Variants in NLGN4X observed in about 807,000 individuals in gnomAD.
NLGN4X encodes the protein neuroligin 4 X-linked, also known as neuroligin-4, X-linked.
A neutral mutation model predicts 40.3 loss-of-function variants in NLGN4X; 3 were observed. The ratio of observed to expected loss-of-function variants is 0.07; its 90% CI spans 0.03 to 0.19. NLGN4X has a LOEUF of 0.19. NLGN4X is among the 10% of genes least tolerant of loss of function. The pLI, the probability that NLGN4X is intolerant of heterozygous loss-of-function variation, is 1.00. For missense variants in NLGN4X, 382 were observed against 708.3 expected (o/e 0.54, Z 5.23); for synonymous variants, 270 against 306.8 (o/e 0.88, Z 1.25).
In NLGN4X at chrX:5,909,199, A is replaced by G; in HGVS notation, c.666T>C (p.Tyr222=). 4.1e-6 allele frequency: 5 copies of G among 1,211,997 alleles called. No homozygotes were observed. Among genetic ancestry groups the G allele is most frequent in the Non-Finnish European group, 5.6e-6 (5 of 895,597 alleles). Residue 222 remains tyrosine (Y), a synonymous_variant, in exon 4 of 6, where the codon TAT becomes TAC. Coordinates refer to ENST00000381095, the MANE Select transcript of NLGN4X (RefSeq NM_181332.3). The stretch of plus-strand genomic sequence containing the variant: ...GTGCTTGAATCTGATCCAGGAGCCC[A>G]TAGTTGCCTTTTGCTGCCTGGTCAC... The part of the protein sequence containing the change: ...STGDQAAKGN[Y]GLLDQIQALR...
intron 5 of NLGN4X, among the ~76,000 whole-genome samples, chrX:5,900,070 C>A (rs759154031): frequency 8.9e-6 from 1 of 112,355 alleles, no homozygotes; most frequent in Non-Finnish European, 1.9e-5. Flanking sequence ...CAAGGGCAGA[C>A]ACCGCCTATC....
At chrX:6,006,029 A>G (rs1237408335) in intron 3 of NLGN4X, among the ~76,000 whole-genome samples, 1 of 111,635 alleles carries the variant, frequency 9.0e-6, no homozygotes, top group African/African-American at 3.3e-5. Context: ...TATCCACATT[A>G]AAGGAAATTT....
At chrX:6,119,014 C>T (rs1388918318) in intron 2 of NLGN4X, among the ~76,000 whole-genome samples, 3 of 112,096 alleles carry the variant, frequency 2.7e-5, no homozygotes, top group African/African-American at 9.7e-5. Context: ...TGTGTGGGTC[C>T]ATTCCTATTA....
intron 2 of NLGN4X, among the ~76,000 whole-genome samples, chrX:6,034,772 G>A (rs965832067): frequency 2.8e-5 from 3 of 108,056 alleles, no homozygotes; most frequent in African/African-American, 1.0e-4. Flanking sequence ...GCAGTGGTAC[G>A]ATCTCGGCTC....
chrX:5,913,604 G>A (rs1269192520), intron 3 of NLGN4X, among the ~76,000 whole-genome samples: 4 of 112,065 alleles, frequency 3.6e-5, no homozygotes, highest in Non-Finnish European at 5.6e-5. Context: ...ATTGAACAAC[G>A]AAAGAAAGAT....
chrX:6,198,051 G>A (rs1923277610), intron 1 of NLGN4X, among the ~76,000 whole-genome samples: 1 of 103,471 alleles, frequency 9.7e-6, no homozygotes, highest in Admixed American at 1.0e-4. Context: ...GTGACAGAGT[G>A]AAGCCCTGTC....
intron 1 of NLGN4X, among the ~76,000 whole-genome samples, chrX:6,174,357 A>C (rs752461570): frequency 8.9e-6 from 1 of 112,378 alleles, no homozygotes; most frequent in Admixed American, 9.4e-5. Flanking sequence ...GCCACTGTGG[A>C]AAGTAGTTTG....
At chrX:5,893,807 G>T (rs773681263) in intron 5 of NLGN4X, 141 bp from the exon 6 acceptor site, 116 of 680,843 alleles carry the variant, frequency 1.7e-4, no homozygotes, top group South Asian at 1.3e-3. Context: ...AAGCAGCAAA[G>T]GTACATTCTG....
At chrX:5,950,761 G>A (rs762798161) in intron 3 of NLGN4X, among the ~76,000 whole-genome samples, 1 of 111,961 alleles carries the variant, frequency 8.9e-6, no homozygotes, top group African/African-American at 3.2e-5. Flanking sequence ...TTCAATCACT[G>A]TGACCTTGAA....
intron 2 of NLGN4X, among the ~76,000 whole-genome samples, chrX:6,144,944 A>C (rs1331119624): frequency 1.8e-5 from 2 of 111,203 alleles, no homozygotes; most frequent in African/African-American, 6.5e-5. Flanking sequence ...CGGTGCTTGC[A>C]CATCTCTCAG....
At chrX:6,048,573 C>T (rs1270089050) in intron 2 of NLGN4X, among the ~76,000 whole-genome samples, 4 of 111,698 alleles carry the variant, frequency 3.6e-5, no homozygotes, top group Non-Finnish European at 3.8e-5. Context: ...TATTCACAAT[C>T]GCAAAGACAT....
chrX:5,932,439 C>T (rs1405046163), intron 3 of NLGN4X, among the ~76,000 whole-genome samples: 3 of 110,643 alleles, frequency 2.7e-5, no homozygotes, highest in Non-Finnish European at 5.7e-5. Context: ...AGGTACCAAA[C>T]GCTCTCTCTC....
At chrX:6,215,333 C>T (rs1480752911) in intron 1 of NLGN4X, among the ~76,000 whole-genome samples, 3 of 103,136 alleles carry the variant, frequency 2.9e-5, no homozygotes, top group Non-Finnish European at 5.9e-5. Context: ...GGTGGATCAC[C>T]TGAGGTCGGG....
chrX:6,191,924 C>T (rs1922581093), intron 1 of NLGN4X, among the ~76,000 whole-genome samples: 1 of 111,832 alleles, frequency 8.9e-6, no homozygotes, highest in Admixed American at 9.5e-5. Context: ...ACCAATATGG[C>T]ATTTTTCAGC....
At chrX:6,197,491 G>A (rs1046528367) in intron 1 of NLGN4X, among the ~76,000 whole-genome samples, 31 of 103,045 alleles carry the variant, frequency 3.0e-4, no homozygotes, top group Non-Finnish European at 5.8e-4. Context: ...GGTTGCTCTC[G>A]AACTCCTGGA....
chrX:6,015,814 T>C lies in NLGN4X; in HGVS notation c.625+13466A>G, dbSNP rs73627043. On this transcript the variant is annotated intron_variant, in intron 3 of 5. Coordinates refer to ENST00000381095, the MANE Select transcript of NLGN4X (RefSeq NM_181332.3). ...TAGCAGTGGACTGTCACGATAACCA[T>C]GGGACTTGTGAGATATAGTAAGTGG... Among the ~76,000 whole-genome samples the C allele has an allele frequency of 9.1e-3, 1,014 of 111,963 alleles. 11 individuals are homozygous for C. Among genetic ancestry groups the C allele is most frequent in the African/African-American group, 0.031 (963 of 30,837 alleles).
chrX:6,017,079 C>T (rs772555914), intron 3 of NLGN4X, among the ~76,000 whole-genome samples: 3 of 111,516 alleles, frequency 2.7e-5, no homozygotes, highest in Admixed American at 9.6e-5. Context: ...TTGAATTGCA[C>T]ACTTCAAACG....
intron 3 of NLGN4X, among the ~76,000 whole-genome samples, chrX:5,964,888 C>T (rs895717814): frequency 2.7e-5 from 3 of 112,130 alleles, no homozygotes; most frequent in Non-Finnish European, 5.6e-5. Context: ...TTTACTAATG[C>T]TATGCAACTT....
At chrX:5,994,817 G>A (rs1457682886) in intron 3 of NLGN4X, among the ~76,000 whole-genome samples, 1 of 111,827 alleles carries the variant, frequency 8.9e-6, no homozygotes, top group Non-Finnish European at 1.9e-5. Context: ...GAGGGATATT[G>A]AATTCACTAT....
Sources: gnomAD v4.1 joint callset for allele counts (sites outside exome capture counted in the v4.1 genomes callset) on GRCh38, gnomAD v4.1.1 for gene constraint, MANE v1.5 for transcripts, NCBI Gene and HGNC (gene_info 2026-07-23, HGNC 2026-07-21) for gene names.